RRM2B: variants seen among roughly 807,000 people sequenced by gnomAD.
RRM2B encodes the protein ribonucleoside-diphosphate reductase subunit M2 B.
RRM2B carries 20 observed loss-of-function variants against 45.9 expected under a neutral mutation model. The observed-to-expected ratio is 0.44, with a 90% CI of 0.31 to 0.63. The LOEUF is 0.63. Among genes scored for constraint, RRM2B ranks in the 30% least tolerant of loss-of-function variants. The pLI is 0.09. For synonymous variants in RRM2B, 124 were observed against 132.3 expected, an observed-to-expected ratio of 0.94 and a Z score of 0.43; for missense variants, 320 against 414.7, an observed-to-expected ratio of 0.77 and a Z score of 1.98.
chr8:102,212,327 A>G (rs1810648996), intron 8 of RRM2B, among the ~76,000 whole-genome samples: 1 of 152,228 alleles, frequency 6.6e-6, no homozygotes, highest in African/African-American at 2.4e-5. Flanking sequence ...CAGGTACATT[A>G]TCTCTGATAA....
chr8:102,222,904 G>A (rs1379862454), intron 5 of RRM2B, among the ~76,000 whole-genome samples: 1 of 152,022 alleles, frequency 6.6e-6, no homozygotes. Context: ...ATCTTAGAAT[G>A]CACTAATAAA....
intron 1 of RRM2B, among the ~76,000 whole-genome samples, chr8:102,235,780 AGTGAG>A: frequency 6.6e-6 from 1 of 152,234 alleles, no homozygotes; most frequent in East Asian, 1.9e-4. Flanking sequence ...CAGAGGTTGC[AGTGAG>A]CCGAGATTGT....
chr8:102,238,719 G>T, intron 1 of RRM2B, 108 bp downstream of exon 1: 2 of 1,583,732 alleles, frequency 1.3e-6, no homozygotes, highest in Non-Finnish European at 8.6e-7. Flanking sequence ...GGGCGGACAG[G>T]CCTGTCCTGA....
chr8:102,238,482 T>C, intron 1 of RRM2B: 1 of 1,285,310 alleles, frequency 7.8e-7, no homozygotes. Flanking sequence ...CTTGCCTCGG[T>C]TTCCCTGGCC....
At chr8:102,211,233 T>G (rs1306640857) in intron 8 of RRM2B, among the ~76,000 whole-genome samples, 1 of 152,190 alleles carries the variant, frequency 6.6e-6, no homozygotes, top group African/African-American at 2.4e-5. Context: ...TAGACTCAAG[T>G]GATTCTTCCA....
At chr8:102,225,430 C>T (rs1019889824) in intron 3 of RRM2B, among the ~76,000 whole-genome samples, 2 of 152,098 alleles carry the variant, frequency 1.3e-5, no homozygotes, top group South Asian at 4.2e-4. Flanking sequence ...AATGGGTTTT[C>T]ACCATGTTGG....
At chr8:102,213,044 A>G (rs1029474152) in intron 7 of RRM2B, among the ~76,000 whole-genome samples, 155 bp from the exon 8 acceptor site, 1 of 152,212 alleles carries the variant, frequency 6.6e-6, no homozygotes, top group African/African-American at 2.4e-5. Context: ...TGATGTCCGT[A>G]TATTTAAAAA....
intron 4 of RRM2B, among the ~76,000 whole-genome samples, 192 bp from the exon 5 acceptor site, chr8:102,224,332 C>G (rs897430360): frequency 7.9e-5 from 12 of 152,122 alleles, no homozygotes; most frequent in African/African-American, 2.7e-4. Flanking sequence ...CAGGTGCCCG[C>G]CACCACGCCC....
At position 102,208,092 on chromosome 8, in the gene RRM2B, T is replaced by A; in HGVS notation, c.*41A>T. 1.3e-6 allele frequency: 2 copies of A among 1,560,682 alleles called. No homozygotes were observed. The highest frequency in any genetic ancestry group is 1.8e-6 in the Non-Finnish European group (2 of 1,134,650). On this transcript the variant is annotated 3_prime_UTR_variant, in exon 9 of 9. Coordinates refer to ENST00000251810, the MANE Select transcript of RRM2B (RefSeq NM_015713.5). The stretch of plus-strand genomic sequence containing the variant: ...AAGCAGAGGAAAATAGACTACTATT[T>A]ACCAATGACAAGTTTATAGAGTTTT...
chr8:102,221,164 A>C (rs1450239573), intron 5 of RRM2B, among the ~76,000 whole-genome samples: 1 of 152,230 alleles, frequency 6.6e-6, no homozygotes, highest in Non-Finnish European at 1.5e-5. Context: ...CAGATATATA[A>C]TTAGGAAAAT....
intron 6 of RRM2B, among the ~76,000 whole-genome samples, chr8:102,216,949 T>G (rs1018337232): frequency 1.4e-4 from 22 of 152,184 alleles, no homozygotes; most frequent in African/African-American, 4.8e-4. Flanking sequence ...TGCAAGTAAG[T>G]ATGTATGAAT....
At chr8:102,225,414 A>T (rs1810915446) in intron 3 of RRM2B, among the ~76,000 whole-genome samples, 1 of 151,856 alleles carries the variant, frequency 6.6e-6, no homozygotes, top group Non-Finnish European at 1.5e-5. Context: ...TTGTATTTTT[A>T]GTAGAAATGG....
At chr8:102,227,710 T>C (rs1810956551) in intron 2 of RRM2B, among the ~76,000 whole-genome samples, 1 of 152,162 alleles carries the variant, frequency 6.6e-6, no homozygotes, top group Admixed American at 6.5e-5. Context: ...TTTTGAACAT[T>C]TCTGGAAGCT....
At chr8:102,233,471 G>A (rs952378487) in intron 1 of RRM2B, among the ~76,000 whole-genome samples, 26 of 152,294 alleles carry the variant, frequency 1.7e-4, no homozygotes, top group African/African-American at 5.3e-4. Flanking sequence ...GCTTAGTATC[G>A]TGTCAAGCAT....
At chr8:102,222,624 A>G (rs1810855806) in intron 5 of RRM2B, among the ~76,000 whole-genome samples, 1 of 152,196 alleles carries the variant, frequency 6.6e-6, no homozygotes, top group South Asian at 2.1e-4. Context: ...TAGAGGCTAC[A>G]TGACATATCC....
intron 1 of RRM2B, 159 bp downstream of exon 1, chr8:102,238,667 TC>T: frequency 5.8e-6 from 9 of 1,539,080 alleles, no homozygotes; most frequent in Non-Finnish European, 7.8e-6. Flanking sequence ...GGGGACGGCC[TC>T]CCCGGCGCTC....
intron 2 of RRM2B, among the ~76,000 whole-genome samples, chr8:102,231,065 T>A (rs1811018676): frequency 6.6e-6 from 1 of 152,230 alleles, no homozygotes; most frequent in African/African-American, 2.4e-5. Context: ...AATAGATACA[T>A]CTATCTATAG....
At position 102,232,185 on chromosome 8, in the gene RRM2B, A is replaced by C. The variant is rs780008534; in HGVS notation, c.168T>G (p.Tyr56Ter). 3 of 1,614,080 alleles carry C rather than the reference A, an allele frequency of 1.9e-6. No homozygotes were observed. Among genetic ancestry groups the C allele is most frequent in the Non-Finnish European group, 2.5e-6 (3 of 1,180,014 alleles). ...PIQYPDIWKMYKQAQASFWTA... is the reference protein window; with the variant it reads ...PIQYPDIWKM ...TCCAGAAGGAAGCCTGTGCCTGTTT[A>C]TACATTTTCCAAATATCAGGGTACT... Residue 56 changes from tyrosine to a stop codon, truncating the protein, a stop_gained, in exon 2 of 9, where the codon TAT becomes TAG. Coordinates refer to ENST00000251810, the MANE Select transcript of RRM2B (RefSeq NM_015713.5). LOFTEE classifies it high-confidence loss of function.
chr8:102,220,023 G>A, intron 5 of RRM2B, among the ~76,000 whole-genome samples: 1 of 152,206 alleles, frequency 6.6e-6, no homozygotes, highest in East Asian at 1.9e-4. Flanking sequence ...AGGATCACTT[G>A]AATGCAGGAG....
Sources: gnomAD v4.1 joint callset for allele counts (sites outside exome capture counted in the v4.1 genomes callset) on GRCh38, gnomAD v4.1.1 for gene constraint, MANE v1.5 for transcripts, NCBI Gene and HGNC (gene_info 2026-07-23, HGNC 2026-07-21) for gene names.